Variants in ECPAS observed in about 807,000 individuals in gnomAD.
ECPAS encodes Ecm29 proteasome adaptor and scaffold.
Under a neutral mutation model 255.1 loss-of-function variants are expected in ECPAS, and 70 were observed. The observed-to-expected ratio is 0.27, with a 90% CI of 0.23 to 0.33. The LOEUF (loss-of-function observed/expected upper bound fraction) is 0.33. Among genes scored for constraint, ECPAS ranks in the 10% least tolerant of loss-of-function variants. ECPAS has a pLI of 1.00. For missense variants in ECPAS, 1,817 were observed against 2,206.4 expected (o/e 0.82, Z 3.54); for synonymous variants, 784 against 775.0 (o/e 1.01, Z -0.19).
intron 2 of ECPAS, among the ~76,000 whole-genome samples, chr9:111,456,703 ATT>A (rs968906865): frequency 2.6e-5 from 4 of 152,124 alleles, no homozygotes; most frequent in Non-Finnish European, 5.9e-5. Context: ...GCTCATCAAA[ATT>A]CTCTCCTCCT....
intron 2 of ECPAS, among the ~76,000 whole-genome samples, chr9:111,463,442 C>G (rs936190234): frequency 6.6e-6 from 1 of 152,088 alleles, no homozygotes; most frequent in Non-Finnish European, 1.5e-5. Context: ...CTACAGAAAA[C>G]AGAGTGCTTT....
intron 17 of ECPAS, among the ~76,000 whole-genome samples, chr9:111,416,851 T>G (rs896452319): frequency 6.6e-6 from 1 of 152,108 alleles, no homozygotes; most frequent in Non-Finnish European, 1.5e-5. Context: ...AGTCAAGGCC[T>G]GGAGGGGGTG....
At chr9:111,390,130 A>G in intron 29 of ECPAS, 29 bp from the exon 30 acceptor site, 10 of 1,313,790 alleles carry the variant, frequency 7.6e-6, no homozygotes, top group South Asian at 3.8e-5. Context: ...GAGGTAGGCA[A>G]TAATACACTT....
At chr9:111,392,967 G>T in intron 27 of ECPAS, 85 bp from the exon 28 acceptor site, 1 of 727,868 alleles carries the variant, frequency 1.4e-6, no homozygotes, top group South Asian at 1.8e-5. Flanking sequence ...AAGTTATGTT[G>T]ACACTGACCC....
chr9:111,382,169 T>C (rs1589126009), intron 35 of ECPAS, among the ~76,000 whole-genome samples: 1 of 151,914 alleles, frequency 6.6e-6, no homozygotes, highest in East Asian at 1.9e-4. Flanking sequence ...TGAATCATTA[T>C]AAAGTTCTCT....
At chr9:111,413,872 A>C (rs1377774575) in intron 20 of ECPAS, 23 bp downstream of exon 20, 1 of 1,427,024 alleles carries the variant, frequency 7.0e-7, no homozygotes, top group South Asian at 1.4e-5. Context: ...TTTTTTTTAA[A>C]AAAAGGTACA....
intron 10 of ECPAS, among the ~76,000 whole-genome samples, chr9:111,426,945 T>C (rs950965591): frequency 6.6e-6 from 1 of 151,920 alleles, no homozygotes; most frequent in African/African-American, 2.4e-5. Flanking sequence ...TGCACTCCAG[T>C]CTGGGTGGCA....
chr9:111,368,428 A>C (rs945345341), intron 46 of ECPAS, among the ~76,000 whole-genome samples: 1 of 152,186 alleles, frequency 6.6e-6, no homozygotes, highest in African/African-American at 2.4e-5. Flanking sequence ...TATGATCATC[A>C]AGAAGATCAG....
At chr9:111,409,048 C>T (rs1387110809) in intron 23 of ECPAS, among the ~76,000 whole-genome samples, 1 of 152,322 alleles carries the variant, frequency 6.6e-6, no homozygotes, top group East Asian at 1.9e-4. Context: ...CCCTCTGTGA[C>T]TCTGTTTCCT....
chr9:111,449,598 AT>A (rs1366538376), intron 3 of ECPAS, among the ~76,000 whole-genome samples: 1 of 152,224 alleles, frequency 6.6e-6, no homozygotes, highest in East Asian at 1.9e-4. Context: ...CTATAAAAAA[AT>A]AAAATACAAA....
intron 24 of ECPAS, among the ~76,000 whole-genome samples, chr9:111,403,327 C>T (rs2098179056): frequency 6.6e-6 from 1 of 151,454 alleles, no homozygotes; most frequent in African/African-American, 2.4e-5. Context: ...TGCACTCCAG[C>T]CTGGACAATG....
intron 2 of ECPAS, among the ~76,000 whole-genome samples, chr9:111,469,114 G>A (rs1035666330): frequency 1.3e-5 from 2 of 152,182 alleles, no homozygotes; most frequent in Non-Finnish European, 2.9e-5. Context: ...GGCAGGCCCC[G>A]TAATCCCAGC....
chr9:111,398,477 A>G (rs952778115), intron 24 of ECPAS, among the ~76,000 whole-genome samples: 18 of 152,234 alleles, frequency 1.2e-4, no homozygotes, highest in African/African-American at 4.3e-4. Context: ...GGGGTTCAAT[A>G]GAGAAAATAT....
At chr9:111,422,838 G>T (rs533158843) in intron 13 of ECPAS, among the ~76,000 whole-genome samples, 12 of 152,116 alleles carry the variant, frequency 7.9e-5, no homozygotes, top group African/African-American at 2.9e-4. Context: ...TCTCAGAAAA[G>T]AGAATCACTA....
intron 2 of ECPAS, among the ~76,000 whole-genome samples, chr9:111,458,695 A>G (rs978277896): frequency 5.3e-5 from 8 of 152,106 alleles, no homozygotes; most frequent in South Asian, 2.1e-4. Flanking sequence ...GATCCAATCA[A>G]TCAATCACAC....
At chr9:111,460,187 G>C (rs1036653005) in intron 2 of ECPAS, among the ~76,000 whole-genome samples, 3 of 152,070 alleles carry the variant, frequency 2.0e-5, no homozygotes, top group African/African-American at 7.2e-5. Context: ...AGTGTAATCT[G>C]CCACATTAAC....
intron 2 of ECPAS, among the ~76,000 whole-genome samples, chr9:111,472,661 C>G (rs2098290269): frequency 6.6e-6 from 1 of 151,330 alleles, no homozygotes; most frequent in African/African-American, 2.4e-5. Context: ...AAAAAGACTT[C>G]AAGTTTTATC....
chr9:111,436,789 A>C, intron 7 of ECPAS, 151 bp downstream of exon 7: 1 of 642,338 alleles, frequency 1.6e-6, no homozygotes, highest in Non-Finnish European at 2.5e-6. Context: ...AATAACTAGC[A>C]TGAAAAGAAC....
Position 111,361,340 on chromosome 9 carries a change from AATC to A in ECPAS, c.*687_*689del, listed in dbSNP as rs2098113068. The A allele has an allele frequency of 2.0e-5, 3 of 152,238 alleles. No individual in the cohort carries two copies. Among genetic ancestry groups the A allele is most frequent in the South Asian group, 4.1e-4 (2 of 4,828 alleles). 9.4% of individuals were successfully genotyped at this position (152,238 alleles called of 1,614,324 possible). ...CTCTCCATCTGTAAAGATGCTAAAC[AATC>A]ATTTTCTCCAAATCAACCACCTAAA... is the stretch of plus-strand genomic sequence containing the variant. On this transcript the variant is annotated 3_prime_UTR_variant, in exon 50 of 50. Transcript: ENST00000684092.
Sources: allele counts gnomAD v4.1 joint callset (sites outside exome capture counted in the v4.1 genomes callset), GRCh38; gene constraint gnomAD v4.1.1; transcripts MANE v1.5; gene names NCBI Gene and HGNC (gene_info 2026-07-23, HGNC 2026-07-21).